The following PCCA variants were observed in gnomAD, a reference collection of about 807,000 sequenced individuals.
The protein encoded by PCCA is propionyl-CoA carboxylase subunit alpha.
Under a neutral mutation model 101.3 loss-of-function variants are expected in PCCA, and 74 were observed. The ratio of observed to expected loss-of-function variants is 0.73; its 90% CI spans 0.61 to 0.89. PCCA has a LOEUF of 0.89. PCCA is among the 40% of genes least tolerant of loss of function. The probability of loss-of-function intolerance (pLI) is 0.00; values close to 1 mark genes in which losing one functional copy is unlikely to be tolerated. For missense variants in PCCA, 891 were observed against 907.0 expected (o/e 0.98, Z 0.23); for synonymous variants, 294 against 313.6 (o/e 0.94, Z 0.66).
chr13:100,317,016 G>T (rs866693778), intron 16 of PCCA, among the ~76,000 whole-genome samples: 1 of 151,978 alleles, frequency 6.6e-6, no homozygotes. Flanking sequence ...CAGGTGACCC[G>T]CCTGCCTCGG....
chr13:100,484,642 A>G (rs1024892098), intron 21 of PCCA, among the ~76,000 whole-genome samples: 2 of 152,232 alleles, frequency 1.3e-5, no homozygotes, highest in African/African-American at 4.8e-5. Context: ...AGAGTCCACT[A>G]TTGATACCAG....
chr13:100,207,785 G>A (rs1218041916), intron 6 of PCCA, among the ~76,000 whole-genome samples: 4 of 151,806 alleles, frequency 2.6e-5, no homozygotes, highest in African/African-American at 7.3e-5. Context: ...TTTGGGAGGC[G>A]GAGGCTGGTG....
intron 17 of PCCA, among the ~76,000 whole-genome samples, chr13:100,336,743 A>G (rs2070519066): frequency 6.6e-6 from 1 of 152,206 alleles, no homozygotes; most frequent in Admixed American, 6.5e-5. Context: ...AGCTTTTTCC[A>G]GCCATGTCTT....
intron 1 of PCCA, among the ~76,000 whole-genome samples, chr13:100,096,200 T>G (rs962228381): frequency 2.0e-5 from 3 of 152,184 alleles, no homozygotes; most frequent in African/African-American, 7.2e-5. Context: ...TTTGAGCAAC[T>G]GTATTGGTGT....
chr13:100,446,944 A>G (rs2080874277), intron 20 of PCCA, among the ~76,000 whole-genome samples: 1 of 152,142 alleles, frequency 6.6e-6, no homozygotes, highest in Non-Finnish European at 1.5e-5. Flanking sequence ...GGCAGGCTGG[A>G]TATATACCAC....
At chr13:100,467,865 T>C (rs2082658101) in intron 21 of PCCA, among the ~76,000 whole-genome samples, 3 of 152,238 alleles carry the variant, frequency 2.0e-5, no homozygotes, top group Non-Finnish European at 2.9e-5. Context: ...ACACAAATGT[T>C]CTTAATAGCA....
At chr13:100,427,818 ACT>A (rs893577537) in intron 20 of PCCA, among the ~76,000 whole-genome samples, 3 of 151,850 alleles carry the variant, frequency 2.0e-5, no homozygotes, top group Admixed American at 1.3e-4. Context: ...CATTATATCG[ACT>A]CTTTCCAAAA....
chr13:100,302,904 C>T lies in PCCA; in HGVS notation c.1210-20C>T. On this transcript the variant is annotated intron_variant, in intron 13 of 23. Coordinates refer to ENST00000376285, the MANE Select transcript of PCCA (RefSeq NM_000282.4). Reference sequence around the variant, plus strand: ...GATTTATATTTCAAAGACTGTGCTTCCTTTCCTTTGAACTTTCAGGACCCC... The same window carrying T: ...GATTTATATTTCAAAGACTGTGCTTTCTTTCCTTTGAACTTTCAGGACCCC... 7.1e-7 allele frequency: 1 copy of T among 1,413,450 alleles called. No individual in the cohort carries two copies. Among genetic ancestry groups the T allele is most frequent in the South Asian group, 1.1e-5 (1 of 86,980 alleles). The allele number at this position is 1,413,450 out of a possible 1,614,324, so 87.6% of individuals were successfully genotyped here.
intron 21 of PCCA, among the ~76,000 whole-genome samples, chr13:100,489,327 C>T (rs949887663): frequency 5.9e-5 from 9 of 152,024 alleles, no homozygotes; most frequent in Non-Finnish European, 8.8e-5. Flanking sequence ...AAAGTTTTAT[C>T]GGAACACAGC....
intron 21 of PCCA, among the ~76,000 whole-genome samples, chr13:100,451,541 G>C (rs1231194898): frequency 6.6e-6 from 1 of 152,086 alleles, no homozygotes; most frequent in African/African-American, 2.4e-5. Flanking sequence ...TGCTGTCTCT[G>C]CTACTTAGCA....
chr13:100,440,209 TAA>T (rs1555294087), intron 20 of PCCA, among the ~76,000 whole-genome samples: 2 of 107,472 alleles, frequency 1.9e-5, no homozygotes, highest in African/African-American at 3.9e-5. Flanking sequence ...TATATATATA[TAA>T]AACGTGATAA....
intron 12 of PCCA, among the ~76,000 whole-genome samples, chr13:100,278,594 C>G (rs1306566265): frequency 6.6e-6 from 1 of 152,030 alleles, no homozygotes. Flanking sequence ...ATTCTCCTGC[C>G]TTAGCCTCCA....
intron 12 of PCCA, among the ~76,000 whole-genome samples, chr13:100,299,176 T>C (rs1171671128): frequency 2.0e-5 from 3 of 152,206 alleles, no homozygotes; most frequent in Non-Finnish European, 4.4e-5. Context: ...TTTGAATTAC[T>C]TGTAGCTCCC....
chr13:100,464,996 T>C (rs1447542810), intron 21 of PCCA, among the ~76,000 whole-genome samples: 1 of 152,220 alleles, frequency 6.6e-6, no homozygotes, highest in Non-Finnish European at 1.5e-5. Context: ...CGATCTCTTG[T>C]ACCTATGAAT....
chr13:100,313,736 A>G (rs983003397), intron 16 of PCCA, among the ~76,000 whole-genome samples: 1 of 152,194 alleles, frequency 6.6e-6, no homozygotes, highest in Non-Finnish European at 1.5e-5. Context: ...GCCTACACCC[A>G]GGAATGAACA....
intron 12 of PCCA, among the ~76,000 whole-genome samples, chr13:100,278,550 C>T (rs372126875): frequency 6.6e-6 from 1 of 150,910 alleles, no homozygotes; most frequent in Admixed American, 6.6e-5. Flanking sequence ...GGCGTGATCT[C>T]GGCCTGCAAA....
In PCCA at chr13:100,098,588, C is replaced by T. The variant is rs138867451; in HGVS notation, c.106-4295C>T. ...TCGAGATGAGGGTGCAGGTGTGAGCCGTTAGTTGTCAACACAGCAGTTAGA... is the reference window on the plus strand; with the variant it reads ...TCGAGATGAGGGTGCAGGTGTGAGCTGTTAGTTGTCAACACAGCAGTTAGA... On this transcript the variant is annotated intron_variant, in intron 1 of 23. Transcript: ENST00000376285. Among the ~76,000 whole-genome samples the T allele has an allele frequency of 2.3e-3, 346 of 152,224 alleles. 1 individual carries two copies. Among genetic ancestry groups the T allele is most frequent in the African/African-American group, 7.8e-3 (322 of 41,528 alleles).
chr13:100,447,056 A>G (rs756573180), intron 20 of PCCA, among the ~76,000 whole-genome samples: 18 of 152,156 alleles, frequency 1.2e-4, no homozygotes, highest in Non-Finnish European at 1.9e-4. Context: ...TTTTCTGCCT[A>G]TCCTTACATT....
chr13:100,522,991 G>A (rs1390290185), intron 22 of PCCA, among the ~76,000 whole-genome samples: 1 of 152,168 alleles, frequency 6.6e-6, no homozygotes, highest in Non-Finnish European at 1.5e-5. Context: ...GTGCTTGTGG[G>A]GGCTTCCTTT....
Sources: allele counts gnomAD v4.1 joint callset (sites outside exome capture counted in the v4.1 genomes callset), GRCh38; gene constraint gnomAD v4.1.1; transcripts MANE v1.5; gene names NCBI Gene and HGNC (gene_info 2026-07-23, HGNC 2026-07-21).